VEZF1: variants seen among roughly 807,000 people sequenced by gnomAD.
The protein encoded by VEZF1 is putative transcription factor DB1.
A neutral mutation model predicts 44.1 loss-of-function variants in VEZF1; 5 were observed. The observed-to-expected ratio is 0.11, with a 90% CI of 0.06 to 0.24. The LOEUF is 0.24. Ranked by LOEUF, VEZF1 falls within the 10% of genes least tolerant of loss-of-function variation. The pLI, the probability that VEZF1 is intolerant of heterozygous loss-of-function variation, is 1.00. For synonymous variants in VEZF1, 236 were observed against 233.1 expected (o/e 1.01, Z -0.11); for missense variants, 358 against 641.8 (o/e 0.56, Z 4.78).
At chr17:57,986,469 T>C (rs1441392761) in intron 1 of VEZF1, among the ~76,000 whole-genome samples, 1 of 152,214 alleles carries the variant, frequency 6.6e-6, no homozygotes, top group African/African-American at 2.4e-5. Flanking sequence ...TGCATGCTAG[T>C]TATATATCAT....
At position 57,971,928 on chromosome 17, in the gene VEZF1, A is replaced by C. The variant is rs2075140022; in HGVS notation, c.*2545T>G. The C allele has an allele frequency of 6.6e-6, 1 of 152,602 alleles. No individual in the cohort carries two copies. Among genetic ancestry groups the C allele is most frequent in the Non-Finnish European group, 1.5e-5 (1 of 68,028 alleles). 9.5% of individuals were successfully genotyped at this position (152,602 alleles called of 1,614,324 possible). A position where few individuals can be genotyped will look rare whatever the true frequency, so the allele number is the denominator to read the frequency against. ...TTCATCAACATCGAAACTCAATTCC[A>C]GTTCCAAGACACAGAATTTCATCAC... On this transcript the variant is annotated 3_prime_UTR_variant, in exon 6 of 6. Transcript: ENST00000581208.
intron 3 of VEZF1, among the ~76,000 whole-genome samples, chr17:57,981,565 T>G (rs562208012): frequency 6.6e-6 from 1 of 152,320 alleles, no homozygotes; most frequent in South Asian, 2.1e-4. Context: ...CCTTTATTCT[T>G]TTATTCATTT....
chr17:57,977,478 G>GCT (rs1206333829), intron 5 of VEZF1, among the ~76,000 whole-genome samples: 2 of 152,106 alleles, frequency 1.3e-5, no homozygotes, highest in African/African-American at 4.8e-5. Context: ...CTAGGAACAA[G>GCT]CAGCACCTGA....
chr17:57,980,515 GAAT>G, intron 4 of VEZF1, 85 bp downstream of exon 4: 1 of 1,313,356 alleles, frequency 7.6e-7, no homozygotes, highest in Non-Finnish European at 1.1e-6. Flanking sequence ...CACGTAAGGT[GAAT>G]ATTAATACCT....
At chr17:57,984,478 T>C (rs760155433) in intron 1 of VEZF1, among the ~76,000 whole-genome samples, 1 of 152,220 alleles carries the variant, frequency 6.6e-6, no homozygotes, top group Admixed American at 6.5e-5. Context: ...TTGAAACTCT[T>C]GACAGTGAGC....
At chr17:57,986,000 A>C (rs757579364) in intron 1 of VEZF1, 3 of 152,262 alleles carry the variant, frequency 2.0e-5, no homozygotes, top group Non-Finnish European at 4.4e-5. Context: ...CATAGAAAAG[A>C]CTGAAATATT....
Position 57,973,389 on chromosome 17 carries a change from A to T in VEZF1, c.*1084T>A, listed in dbSNP as rs1238608480. ...TAAGAAACGGAAGGAGAAATTTAAAAAAAGATACACTCTGCATGTTCTGAA... is the reference window on the plus strand; with the variant it reads ...TAAGAAACGGAAGGAGAAATTTAAATAAAGATACACTCTGCATGTTCTGAA... On this transcript the variant is annotated 3_prime_UTR_variant, in exon 6 of 6. Coordinates refer to ENST00000581208, the MANE Select transcript of VEZF1 (RefSeq NM_007146.3). The T allele has an allele frequency of 2.6e-5, 4 of 152,628 alleles. No homozygotes were observed. Among genetic ancestry groups the T allele is most frequent in the African/African-American group, 9.7e-5 (4 of 41,448 alleles). 9.5% of individuals were successfully genotyped at this position (152,628 alleles called of 1,614,324 possible).
At chr17:57,986,880 A>C (rs1331604415) in intron 1 of VEZF1, among the ~76,000 whole-genome samples, 3 of 152,222 alleles carry the variant, frequency 2.0e-5, no homozygotes, top group African/African-American at 4.8e-5. Context: ...AATAACTCAG[A>C]GAGGCGGGAA....
chr17:57,980,940 T>C, intron 3 of VEZF1, 154 bp from the exon 4 acceptor site: 1 of 730,050 alleles, frequency 1.4e-6, no homozygotes, highest in Non-Finnish European at 2.2e-6. Flanking sequence ...ATAATCATAA[T>C]AAAACTCTTG....
chr17:57,974,461 T>C lies in VEZF1; in HGVS notation c.*12A>G. Reference sequence around the variant, plus strand: ...ATTTACTTTTACCCATATTTTGATTTTATAATACTGTTTACCAAGGCGGTG... The same window carrying C: ...ATTTACTTTTACCCATATTTTGATTCTATAATACTGTTTACCAAGGCGGTG... On this transcript the variant is annotated 3_prime_UTR_variant, in exon 6 of 6. Coordinates refer to ENST00000581208, the MANE Select transcript of VEZF1 (RefSeq NM_007146.3). 5.6e-6 allele frequency: 9 copies of C among 1,606,266 alleles called. No homozygotes were observed. The highest frequency in any genetic ancestry group is 7.7e-6 in the Non-Finnish European group (9 of 1,173,712).
Position 57,971,879 on chromosome 17 carries a change from G to T in VEZF1, c.*2594C>A, listed in dbSNP as rs2075139253. 1 of 152,592 alleles carries T rather than the reference G, an allele frequency of 6.6e-6. No homozygotes were observed. Among genetic ancestry groups the T allele is most frequent in the African/African-American group, 2.4e-5 (1 of 41,420 alleles). The allele number at this position is 152,592 out of a possible 1,614,324, so 9.5% of individuals were successfully genotyped here. A position where few individuals can be genotyped will look rare whatever the true frequency, so the allele number is the denominator to read the frequency against. On this transcript the variant is annotated 3_prime_UTR_variant, in exon 6 of 6. Coordinates refer to ENST00000581208, the MANE Select transcript of VEZF1 (RefSeq NM_007146.3). ...CTTTTCGTAGAGCAGTGGCTGTCGTGCCTTCAACACCTGGTTGAATCAGTT... is the reference window on the plus strand; with the variant it reads ...CTTTTCGTAGAGCAGTGGCTGTCGTTCCTTCAACACCTGGTTGAATCAGTT...
intron 4 of VEZF1, 44 bp from the exon 5 acceptor site, chr17:57,979,357 CTG>C: frequency 1.3e-6 from 2 of 1,597,910 alleles, no homozygotes; most frequent in South Asian, 2.2e-5. Context: ...ACCTGTAAAA[CTG>C]TTGCCGTTTT....
chr17:57,988,189 GCGGCGGCGGCGGCGGCGGCAA>G lies in VEZF1; in HGVS notation c.-99_-79del. On this transcript the variant is annotated 5_prime_UTR_variant, in exon 1 of 6. Coordinates refer to ENST00000581208, the MANE Select transcript of VEZF1 (RefSeq NM_007146.3). ...CTCAGCCGGAGGAGGCGACAACAAA[GCGGCGGCGGCGGCGGCGGCAA>G]CGGCAGCGGCGGCTCCTCAACATGG... is the stretch of plus-strand genomic sequence containing the variant. The G allele has an allele frequency of 7.2e-6, 2 of 277,780 alleles. No homozygotes were observed. The highest frequency in any genetic ancestry group is 1.3e-5 in the Non-Finnish European group (2 of 157,678). The allele number at this position is 277,780 out of a possible 1,614,324, so 17.2% of individuals were successfully genotyped here. A position where few individuals can be genotyped will look rare whatever the true frequency, so the allele number is the denominator to read the frequency against.
intron 5 of VEZF1, among the ~76,000 whole-genome samples, chr17:57,976,621 C>T (rs2075194027): frequency 6.6e-6 from 1 of 152,144 alleles, no homozygotes; most frequent in Non-Finnish European, 1.5e-5. Context: ...GGTCAGGAGT[C>T]TCCTCTCCTC....
intron 1 of VEZF1, among the ~76,000 whole-genome samples, chr17:57,984,527 T>G (rs1418492459): frequency 6.6e-6 from 1 of 152,174 alleles, no homozygotes; most frequent in African/African-American, 2.4e-5. Context: ...CCTAATAAGA[T>G]GCATGCACTC....
chr17:57,985,546 A>T (rs1193684376), intron 1 of VEZF1: 1 of 732,336 alleles, frequency 1.4e-6, no homozygotes, highest in Non-Finnish European at 1.7e-6. Flanking sequence ...ACTTCTGGGT[A>T]GGCTTTTATT....
At chr17:57,985,934 T>C (rs369475767) in intron 1 of VEZF1, 2 of 152,248 alleles carry the variant, frequency 1.3e-5, no homozygotes, top group South Asian at 2.1e-4. Context: ...TTTAACTCCA[T>C]ATCCCCAGTG....
chr17:57,975,858 C>T (rs760926661), intron 5 of VEZF1, among the ~76,000 whole-genome samples: 1 of 152,126 alleles, frequency 6.6e-6, no homozygotes, highest in Non-Finnish European at 1.5e-5. Context: ...AGTGCAGTAG[C>T]ATGATCAAAG....
At chr17:57,984,259 TC>T (rs1416361453) in intron 1 of VEZF1, among the ~76,000 whole-genome samples, 2 of 152,186 alleles carry the variant, frequency 1.3e-5, no homozygotes, top group African/African-American at 4.8e-5. Context: ...GCTTCTCCAC[TC>T]CCAAAACTGG....
Sources: gnomAD v4.1 joint callset for allele counts (sites outside exome capture counted in the v4.1 genomes callset) on GRCh38, gnomAD v4.1.1 for gene constraint, MANE v1.5 for transcripts, NCBI Gene and HGNC (gene_info 2026-07-23, HGNC 2026-07-21) for gene names.